The following PNPT1 variants were observed in gnomAD, a reference collection of about 807,000 sequenced individuals.
PNPT1 encodes polyribonucleotide nucleotidyltransferase 1, also known as polyribonucleotide nucleotidyltransferase 1, mitochondrial.
A neutral mutation model predicts 119.5 loss-of-function variants in PNPT1; 53 were observed. That is an observed-to-expected ratio of 0.44 (90% CI 0.36 to 0.56). The LOEUF is 0.56. PNPT1 is among the 20% of genes least tolerant of loss of function. The pLI is 0.00. For synonymous variants in PNPT1, 357 were observed against 322.1 expected (o/e 1.11, Z -1.16); for missense variants, 948 against 938.5 (o/e 1.01, Z -0.13).
chr2:55,693,647 GCA>G lies in PNPT1; in HGVS notation c.161+14_161+15del, dbSNP rs771230358. On this transcript the variant is annotated intron_variant, in intron 1 of 27. Transcript: ENST00000447944. Reference sequence around the variant, plus strand: ...GACACCTTATGACAATACAGTGAACGCACGTCACTCCTTACCTGTTGCCTAAG... The same window carrying G: ...GACACCTTATGACAATACAGTGAACGCGTCACTCCTTACCTGTTGCCTAAG... 6.8e-6 allele frequency: 11 copies of G among 1,613,550 alleles called. No homozygotes were observed. Among genetic ancestry groups the G allele is most frequent in the Non-Finnish European group, 9.3e-6 (11 of 1,179,672 alleles).
At chr2:55,671,413 T>C (rs1696910671) in intron 10 of PNPT1, 37 bp from the exon 11 acceptor site, 1 of 1,227,662 alleles carries the variant, frequency 8.1e-7, no homozygotes, top group Non-Finnish European at 1.1e-6. Context: ...TACATATACA[T>C]GACAACATTT....
At position 55,634,875 on chromosome 2, in the gene PNPT1, T is replaced by A. The variant is rs1695618672; in HGVS notation, c.*1362A>T. Reference sequence around the variant, plus strand: ...CTGGCCAGATATACCTACATTTTTATAAGATTTAAAATTTTTTTTAGAGAT... The same window carrying A: ...CTGGCCAGATATACCTACATTTTTAAAAGATTTAAAATTTTTTTTAGAGAT... On this transcript the variant is annotated 3_prime_UTR_variant, in exon 28 of 28. Coordinates refer to ENST00000447944, the MANE Select transcript of PNPT1 (RefSeq NM_033109.5). 6.6e-6 allele frequency: 1 copy of A among 151,828 alleles called. No individual in the cohort carries two copies. The highest frequency in any genetic ancestry group is 1.5e-5 in the Non-Finnish European group (1 of 67,968). The allele number at this position is 151,828 out of a possible 1,614,324, so 9.4% of individuals were successfully genotyped here.
rs758108104 is a variant in PNPT1, at chr2:55,680,792, A to G, written c.518-33T>C. 5 of 1,612,702 alleles carry G rather than the reference A, an allele frequency of 3.1e-6. No individual in the cohort carries two copies. In the Admixed American group the frequency reaches 8.4e-5, roughly 27 times the overall value. ...AAGGAGAAAAATCAGGGCCGAAATT[A>G]AAATTTCATTGCTTTAAAAAAATTT... On this transcript the variant is annotated intron_variant, in intron 6 of 27. Coordinates refer to ENST00000447944, the MANE Select transcript of PNPT1 (RefSeq NM_033109.5).
intron 12 of PNPT1, among the ~76,000 whole-genome samples, chr2:55,667,444 A>G (rs1413364778): frequency 1.3e-5 from 2 of 152,130 alleles, no homozygotes; most frequent in African/African-American, 2.4e-5. Flanking sequence ...AATACAAAAA[A>G]TTAGCTGGGC....
Position 55,667,597 on chromosome 2 carries a change from A to C in PNPT1, c.1073+265T>G, listed in dbSNP as rs199714073. ...CGAGACTCTGTCTCAAAAAAAAAAA[A>C]CAAAAAACAAACAAACAAAAAACTC... On this transcript the variant is annotated intron_variant, in intron 12 of 27. Coordinates refer to ENST00000447944, the MANE Select transcript of PNPT1 (RefSeq NM_033109.5). Among the ~76,000 whole-genome samples the C allele has an allele frequency of 1.3e-3, 196 of 147,888 alleles. 1 individual carries two copies. In the East Asian group the frequency reaches 0.024, roughly 18 times the overall value.
intron 3 of PNPT1, among the ~76,000 whole-genome samples, chr2:55,686,164 G>A (rs546331649): frequency 3.5e-4 from 53 of 152,296 alleles, no homozygotes; most frequent in African/African-American, 1.3e-3. Flanking sequence ...GCACCTGGAC[G>A]TTCCAAATTC....
At chr2:55,657,594 C>A (rs928098809) in intron 15 of PNPT1, among the ~76,000 whole-genome samples, 1 of 151,328 alleles carries the variant, frequency 6.6e-6, no homozygotes, top group South Asian at 2.1e-4. Context: ...CCATGTTGGT[C>A]AGGCTGGTCT....
At chr2:55,658,464 G>T (rs1165364449) in intron 15 of PNPT1, among the ~76,000 whole-genome samples, 1 of 151,982 alleles carries the variant, frequency 6.6e-6, no homozygotes, top group Non-Finnish European at 1.5e-5. Flanking sequence ...TGGTTACAAG[G>T]ATATTTGCCT....
At chr2:55,661,091 CTTTTTTTTTT>C (rs1171064705) in intron 14 of PNPT1, among the ~76,000 whole-genome samples, 5 of 71,620 alleles carry the variant, frequency 7.0e-5, no homozygotes, top group South Asian at 9.4e-4. Flanking sequence ...AATAGAGATT[CTTTTTTTTTT>C]TTTTTTTTTT....
At chr2:55,680,250 A>G (rs996323337) in intron 7 of PNPT1, among the ~76,000 whole-genome samples, 14 of 152,202 alleles carry the variant, frequency 9.2e-5, no homozygotes, top group Admixed American at 2.0e-4. Flanking sequence ...TCCTTTATGC[A>G]GAGATCAAGA....
chr2:55,677,314 C>G (rs1697103950), intron 8 of PNPT1, among the ~76,000 whole-genome samples: 1 of 152,244 alleles, frequency 6.6e-6, no homozygotes, highest in African/African-American at 2.4e-5. Context: ...CTTGGTTCTG[C>G]TGGGTGCAGT....
chr2:55,669,898 A>G (rs899807607), intron 11 of PNPT1, among the ~76,000 whole-genome samples: 2 of 151,648 alleles, frequency 1.3e-5, no homozygotes, highest in Non-Finnish European at 2.9e-5. Flanking sequence ...AGCTGGGATT[A>G]CAGGAGCCTG....
At chr2:55,644,564 A>G (rs538126433) in intron 23 of PNPT1, 73 bp downstream of exon 23, 2 of 1,054,988 alleles carry the variant, frequency 1.9e-6, no homozygotes, top group African/African-American at 3.2e-5. Flanking sequence ...AAAGCAACAT[A>G]CTAGAGATGA....
intron 1 of PNPT1, among the ~76,000 whole-genome samples, chr2:55,693,341 T>C (rs1697682485): frequency 6.6e-6 from 1 of 152,014 alleles, no homozygotes; most frequent in Admixed American, 6.5e-5. Context: ...CCACGTCAAC[T>C]CGTTATTCCT....
chr2:55,643,978 A>AAGAAAT (rs1695914012), intron 23 of PNPT1, among the ~76,000 whole-genome samples: 3 of 152,218 alleles, frequency 2.0e-5, no homozygotes, highest in Non-Finnish European at 2.9e-5. Context: ...CTTGAAATTC[A>AAGAAAT]CCATCTAGTG....
chr2:55,667,915 G>A lies in PNPT1; in HGVS notation c.1020C>T (p.Phe340=). ...TAAAAACTTCCTTTGCAACAACATTGAAGGATTCTATTATTTCATATGGAT... is the reference window on the plus strand; with the variant it reads ...TAAAAACTTCCTTTGCAACAACATTAAAGGATTCTATTATTTCATATGGAT... ...EADPYEIIES[F]NVVAKEVFRS... The change falls in exon 12 of 28, where the codon TTC becomes TTT. Residue 340 remains phenylalanine, a synonymous_variant. Transcript: ENST00000447944. 1 of 1,582,626 alleles carries A rather than the reference G, an allele frequency of 6.3e-7. No individual in the cohort carries two copies. The highest frequency in any genetic ancestry group is 8.5e-7 in the Non-Finnish European group (1 of 1,172,048).
intron 15 of PNPT1, among the ~76,000 whole-genome samples, chr2:55,659,615 T>G (rs1003175535): frequency 1.5e-4 from 23 of 152,150 alleles, no homozygotes; most frequent in African/African-American, 5.5e-4. Flanking sequence ...AAAATACCAC[T>G]TATCTCTCTA....
rs1696955276 is a variant in PNPT1 at position 55,672,826 on chromosome 2, T to A, written c.866+67A>T. ...GCATGGGCAGTGCTTCCATGGGAAG[T>A]TTCTCTCCCACGAGGAAATTAAATC... On this transcript the variant is annotated intron_variant, in intron 9 of 27. Transcript: ENST00000447944. 5 of 1,435,528 alleles carry A rather than the reference T, an allele frequency of 3.5e-6. No homozygotes were observed. In the Admixed American group the frequency reaches 1.1e-4, roughly 33 times the overall value. 88.9% of individuals were successfully genotyped at this position (1,435,528 alleles called of 1,614,324 possible). A position where few individuals can be genotyped will look rare whatever the true frequency, so the allele number is the denominator to read the frequency against.
chr2:55,656,522 T>C, intron 15 of PNPT1, 151 bp from the exon 16 acceptor site: 1 of 718,986 alleles, frequency 1.4e-6, no homozygotes, highest in East Asian at 2.7e-5. Context: ...AGAAAACGTA[T>C]GATATAAATT....
Sources: allele counts gnomAD v4.1 joint callset (sites outside exome capture counted in the v4.1 genomes callset), GRCh38; gene constraint gnomAD v4.1.1; transcripts MANE v1.5; gene names NCBI Gene and HGNC (gene_info 2026-07-23, HGNC 2026-07-21).